TENT4B: variants seen among roughly 807,000 people sequenced by gnomAD.
TENT4B encodes the protein terminal nucleotidyltransferase 4B, also known as PAP associated domain containing 5.
TENT4B carries 10 observed loss-of-function variants against 75.0 expected under a neutral mutation model. The observed-to-expected ratio is 0.13, with a 90% CI of 0.08 to 0.23. The LOEUF (loss-of-function observed/expected upper bound fraction) is 0.23. Ranked by LOEUF, TENT4B falls within the 10% of genes least tolerant of loss-of-function variation. The probability of loss-of-function intolerance (pLI) is 1.00; values close to 1 mark genes in which losing one functional copy is unlikely to be tolerated. For missense variants in TENT4B, 579 were observed against 893.8 expected, an observed-to-expected ratio of 0.65 and a Z score of 4.49; for synonymous variants, 350 against 357.7, an observed-to-expected ratio of 0.98 and a Z score of 0.24.
In TENT4B at chr16:50,153,960, C is replaced by A; in HGVS notation, c.339C>A (p.Asn113Lys). The change falls in exon 1 of 12, where the codon AAC (asparagine) becomes AAA (lysine). Residue 113 changes from asparagine (N) to lysine (K), a missense_variant. Asn to Lys is a moderately conservative substitution (Grantham distance 94). Around this residue, in one of 7 missense-constraint regions of TENT4B, gnomAD observed 253 missense variants for 270.1 expected, o/e 0.94. Transcript: ENST00000561678. ...FLPLETTNNN[N>K]NHHQPGAWAR... The stretch of plus-strand genomic sequence containing the variant: ...CCCTAGAGACGACCAACAACAACAA[C>A]AACCACCACCAGCCCGGGGCCTGGG... 3 of 1,534,128 alleles carry A rather than the reference C, an allele frequency of 2.0e-6. No homozygotes were observed. Among genetic ancestry groups the A allele is most frequent in the Middle Eastern group, 1.7e-4 (1 of 5,988 alleles).
At chr16:50,205,652 A>T (rs564323904) in intron 1 of TENT4B, among the ~76,000 whole-genome samples, 49 of 119,620 alleles carry the variant, frequency 4.1e-4, no homozygotes, top group South Asian at 3.4e-3. Context: ...GTGCAGTGGC[A>T]TGATCTCAGC....
At chr16:50,159,716 A>C (rs1010674998) in intron 1 of TENT4B, among the ~76,000 whole-genome samples, 1 of 152,184 alleles carries the variant, frequency 6.6e-6, no homozygotes, top group Non-Finnish European at 1.5e-5. Context: ...AGTAATTCTT[A>C]GTGAACTAGA....
intron 1 of TENT4B, among the ~76,000 whole-genome samples, chr16:50,155,637 G>A (rs756061800): frequency 2.6e-5 from 4 of 152,082 alleles, no homozygotes; most frequent in African/African-American, 4.8e-5. Flanking sequence ...TGTCAAACCT[G>A]CCCTCACATT....
intron 1 of TENT4B, among the ~76,000 whole-genome samples, chr16:50,179,516 GTAAATAAGCC>G (rs2038372557): frequency 6.6e-6 from 1 of 152,114 alleles, no homozygotes; most frequent in South Asian, 2.1e-4. Flanking sequence ...GGATTTTTAT[GTAAATAAGCC>G]CAAAATTGTA....
chr16:50,194,744 A>ATTTTTTT (rs34176224), intron 1 of TENT4B, among the ~76,000 whole-genome samples: 1 of 69,412 alleles, frequency 1.4e-5, no homozygotes, highest in Non-Finnish European at 2.7e-5. Flanking sequence ...TGCTTGGCTA[A>ATTTTTTT]TTTTTTTTTT....
At chr16:50,176,950 T>A (rs183138141) in intron 1 of TENT4B, among the ~76,000 whole-genome samples, 1 of 152,196 alleles carries the variant, frequency 6.6e-6, no homozygotes, top group East Asian at 1.9e-4. Flanking sequence ...CCTCATAGAA[T>A]AGGTTAGGAA....
intron 1 of TENT4B, among the ~76,000 whole-genome samples, chr16:50,209,942 T>C (rs2031190874): frequency 6.6e-6 from 1 of 152,206 alleles, no homozygotes; most frequent in South Asian, 2.1e-4. Context: ...CTGCCAGTTT[T>C]TCGAGCTTCC....
At chr16:50,192,226 C>CT (rs140650400) in intron 1 of TENT4B, among the ~76,000 whole-genome samples, 2,948 of 97,200 alleles carry the variant, frequency 0.03, 100 homozygotes, top group African/African-American at 0.094. Flanking sequence ...GAGCAAGACT[C>CT]TGTCTCAAAA....
chr16:50,228,169 A>G (rs1459342535), intron 11 of TENT4B, among the ~76,000 whole-genome samples, 166 bp downstream of exon 11: 1 of 152,224 alleles, frequency 6.6e-6, no homozygotes, highest in Non-Finnish European at 1.5e-5. Flanking sequence ...TAGGAACAGG[A>G]TGTCCTAAGG....
chr16:50,203,186 T>G (rs957115100), intron 1 of TENT4B, among the ~76,000 whole-genome samples: 3 of 152,232 alleles, frequency 2.0e-5, no homozygotes, highest in Non-Finnish European at 2.9e-5. Context: ...ATATGGGCTC[T>G]TCTTTTTCCT....
intron 1 of TENT4B, among the ~76,000 whole-genome samples, chr16:50,202,484 A>T (rs558445954): frequency 1.3e-5 from 2 of 152,198 alleles, no homozygotes; most frequent in East Asian, 3.9e-4. Flanking sequence ...GAAAGATTAA[A>T]CTTTGTTTAT....
chr16:50,178,782 G>C (rs1299393191), intron 1 of TENT4B, among the ~76,000 whole-genome samples: 4 of 152,142 alleles, frequency 2.6e-5, no homozygotes, highest in Non-Finnish European at 5.9e-5. Flanking sequence ...TCAGTAATTA[G>C]AATAATGCTT....
At chr16:50,195,007 C>T (rs1457796790) in intron 1 of TENT4B, among the ~76,000 whole-genome samples, 1 of 152,112 alleles carries the variant, frequency 6.6e-6, no homozygotes, top group African/African-American at 2.4e-5. Flanking sequence ...CCTCGGCCTC[C>T]CAAAGTGCTG....
intron 1 of TENT4B, among the ~76,000 whole-genome samples, chr16:50,185,587 C>G (rs998102814): frequency 6.6e-6 from 1 of 152,102 alleles, no homozygotes; most frequent in Non-Finnish European, 1.5e-5. Context: ...TTGTGTAAAC[C>G]TTTGATTTTT....
chr16:50,196,923 G>A (rs1441470656), intron 1 of TENT4B, among the ~76,000 whole-genome samples: 1 of 150,528 alleles, frequency 6.6e-6, no homozygotes, highest in Non-Finnish European at 1.5e-5. Context: ...GTAACAGAAC[G>A]AAACCCTGTC....
intron 1 of TENT4B, among the ~76,000 whole-genome samples, chr16:50,177,967 C>A (rs1597238481): frequency 1.3e-5 from 2 of 151,744 alleles, no homozygotes; most frequent in Admixed American, 6.6e-5. Flanking sequence ...CTTCTTTGAC[C>A]CATCTGTTAT....
chr16:50,178,799 G>T (rs1400689081), intron 1 of TENT4B, among the ~76,000 whole-genome samples: 3 of 152,138 alleles, frequency 2.0e-5, no homozygotes, highest in Admixed American at 2.0e-4. Flanking sequence ...GCTTGCCAGG[G>T]CCTGTGGGGA....
chr16:50,227,772 T>C lies in TENT4B; in HGVS notation c.1801-67T>C. On this transcript the variant is annotated intron_variant, in intron 10 of 11. Transcript: ENST00000561678. The stretch of plus-strand genomic sequence containing the variant: ...GAGAGTACTTTAACCAAAATTGTTT[T>C]TCTTTCTGAATATTGAGTATCTAAA... 12 of 1,559,710 alleles carry C rather than the reference T, an allele frequency of 7.7e-6. No individual in the cohort carries two copies. In the South Asian group the frequency reaches 1.4e-4, roughly 18 times the overall value.
At chr16:50,221,565 A>C (rs1424630053) in intron 5 of TENT4B, among the ~76,000 whole-genome samples, 1 of 152,162 alleles carries the variant, frequency 6.6e-6, no homozygotes, top group Non-Finnish European at 1.5e-5. Flanking sequence ...TGGCAGAATA[A>C]TCTAAAGGTC....
Sources: allele counts gnomAD v4.1 joint callset (sites outside exome capture counted in the v4.1 genomes callset), GRCh38; gene constraint gnomAD v4.1.1; regional missense constraint gnomAD v4.1.1; transcripts MANE v1.5; gene names NCBI Gene and HGNC (gene_info 2026-07-23, HGNC 2026-07-21).